The following UBE2D2 variants were observed in gnomAD, a reference collection of about 807,000 sequenced individuals.
UBE2D2 encodes the protein ubiquitin-conjugating enzyme E2 D2.
In UBE2D2, 2 loss-of-function variants were observed where a neutral mutation model predicts 24.2. The ratio of observed to expected loss-of-function variants is 0.08; its 90% CI spans 0.03 to 0.26. The LOEUF (loss-of-function observed/expected upper bound fraction) is 0.26. Among genes scored for constraint, UBE2D2 ranks in the 10% least tolerant of loss-of-function variants. UBE2D2 has a pLI of 1.00. For synonymous variants in UBE2D2, 58 were observed against 56.5 expected (o/e 1.03, Z -0.12); for missense variants, 44 against 177.6 (o/e 0.25, Z 4.28).
intron 1 of UBE2D2, among the ~76,000 whole-genome samples, chr5:139,589,307 C>T (rs188927645): frequency 1.3e-5 from 2 of 152,122 alleles, no homozygotes; most frequent in African/African-American, 4.8e-5. Flanking sequence ...GCTTGTATTC[C>T]CAGCACTTTG....
chr5:139,548,603 A>G (rs1169351455), intron 1 of UBE2D2, among the ~76,000 whole-genome samples: 1 of 152,108 alleles, frequency 6.6e-6, no homozygotes, highest in Non-Finnish European at 1.5e-5. Flanking sequence ...TTTTCTCACA[A>G]AAATCATCAT....
intron 1 of UBE2D2, among the ~76,000 whole-genome samples, chr5:139,567,785 C>T (rs983013691): frequency 1.3e-5 from 2 of 151,134 alleles, no homozygotes; most frequent in Admixed American, 6.6e-5. Flanking sequence ...CCACCCGCCT[C>T]GACCTCCCAA....
At chr5:139,596,046 A>G (rs1753953394) in intron 1 of UBE2D2, among the ~76,000 whole-genome samples, 1 of 150,370 alleles carries the variant, frequency 6.7e-6, no homozygotes, top group Non-Finnish European at 1.5e-5. Context: ...GGCGCGCGCC[A>G]CCATGCCCGG....
At chr5:139,589,715 A>C (rs1016022623) in intron 1 of UBE2D2, among the ~76,000 whole-genome samples, 8 of 152,246 alleles carry the variant, frequency 5.3e-5, no homozygotes, top group South Asian at 2.1e-4. Flanking sequence ...AAAATTAAAT[A>C]GCAAATCATT....
At chr5:139,531,368 C>T (rs1014765653) in intron 1 of UBE2D2, among the ~76,000 whole-genome samples, 6 of 152,208 alleles carry the variant, frequency 3.9e-5, no homozygotes, top group South Asian at 2.1e-4. Flanking sequence ...GCCCCTGTCA[C>T]GTACCGCCTG....
At chr5:139,536,779 C>T (rs570490100) in intron 1 of UBE2D2, among the ~76,000 whole-genome samples, 13 of 152,236 alleles carry the variant, frequency 8.5e-5, no homozygotes, top group African/African-American at 2.6e-4. Flanking sequence ...TGTGAGCCAC[C>T]GCACCCGGCC....
At chr5:139,550,707 C>T (rs1470331471) in intron 1 of UBE2D2, among the ~76,000 whole-genome samples, 1 of 151,914 alleles carries the variant, frequency 6.6e-6, no homozygotes, top group African/African-American at 2.4e-5. Flanking sequence ...ACCATGAACC[C>T]ATGGGAGGAA....
Position 139,561,795 on chromosome 5 carries a change from G to T in UBE2D2, c.4G>T (p.Ala2Ser). The T allele has an allele frequency of 6.6e-7, 1 of 1,509,084 alleles. No individual in the cohort carries two copies. The highest frequency in any genetic ancestry group is 8.8e-7 in the Non-Finnish European group (1 of 1,136,646). 93.5% of individuals were successfully genotyped at this position (1,509,084 alleles called of 1,614,324 possible). M[A>S]LKRIHKELND... ...CCGCCGCCACCCGCCTCCCACCATG[G>T]CTCTGAAGAGAATCCACAAGGTAAG... The change falls in exon 1 of 7, where the codon GCT becomes TCT. Residue 2 changes from alanine to serine, a missense_variant. By Grantham distance (99) the Ala-to-Ser change is moderately conservative. This residue lies in a region of UBE2D2 where 23 missense variants were observed against 141.9 expected (regional missense o/e 0.16). Transcript: ENST00000398733.
intron 1 of UBE2D2, among the ~76,000 whole-genome samples, chr5:139,566,047 GA>G (rs1753209317): frequency 1.2e-5 from 1 of 86,428 alleles, no homozygotes; most frequent in African/African-American, 5.3e-5. Flanking sequence ...TTTTTTTTTT[GA>G]GGCAGTCTTG....
chr5:139,622,444 C>G (rs1754529171), intron 5 of UBE2D2, among the ~76,000 whole-genome samples: 1 of 150,806 alleles, frequency 6.6e-6, no homozygotes, highest in Non-Finnish European at 1.5e-5. Context: ...GGGGTTTTAC[C>G]ATGTTGGCCA....
At chr5:139,620,604 A>T (rs1475042059) in intron 5 of UBE2D2, among the ~76,000 whole-genome samples, 2 of 152,164 alleles carry the variant, frequency 1.3e-5, no homozygotes, top group African/African-American at 4.8e-5. Context: ...CTGATTTTTT[A>T]AAAAAACTTT....
At chr5:139,604,313 A>G (rs554893216) in intron 2 of UBE2D2, among the ~76,000 whole-genome samples, 63 of 151,504 alleles carry the variant, frequency 4.2e-4, no homozygotes, top group Non-Finnish European at 7.8e-4. Context: ...TAATTTTCGT[A>G]TTTTTGGTAG....
At chr5:139,601,327 G>GGT (rs1754068242) in intron 2 of UBE2D2, among the ~76,000 whole-genome samples, 1 of 152,094 alleles carries the variant, frequency 6.6e-6, no homozygotes. Context: ...CATTTGGTTG[G>GGT]GTGTGATGGC....
At chr5:139,556,191 G>A (rs186972415), upstream of UBE2D2, among the ~76,000 whole-genome samples, 3 of 151,052 alleles carry the variant, frequency 2.0e-5, no homozygotes, top group Admixed American at 6.6e-5. Context: ...AGCTGAGATC[G>A]TGCCATTGCA....
At chr5:139,533,526 G>A (rs965280733) in intron 1 of UBE2D2, among the ~76,000 whole-genome samples, 11 of 150,472 alleles carry the variant, frequency 7.3e-5, no homozygotes, top group African/African-American at 7.3e-5. Flanking sequence ...GTCTGGCGCC[G>A]TTAATCCCAG....
At chr5:139,547,134 C>CA (rs1004955840) in intron 1 of UBE2D2, among the ~76,000 whole-genome samples, 1 of 151,440 alleles carries the variant, frequency 6.6e-6, no homozygotes, top group Admixed American at 6.6e-5. Flanking sequence ...ACTAAAAATA[C>CA]AAAAAAATTA....
chr5:139,553,761 G>A (rs1752949710), intron 1 of UBE2D2, among the ~76,000 whole-genome samples: 1 of 151,822 alleles, frequency 6.6e-6, no homozygotes, highest in South Asian at 2.1e-4. Context: ...TTAATGTTTG[G>A]TTCCATGAGT....
intron 1 of UBE2D2, among the ~76,000 whole-genome samples, chr5:139,567,126 G>A (rs1249011728): frequency 1.3e-5 from 2 of 152,120 alleles, no homozygotes; most frequent in African/African-American, 2.4e-5. Flanking sequence ...TTGAGATGGA[G>A]TCTTGCTCTG....
rs1447221215 is a variant in UBE2D2 at position 139,537,040 on chromosome 5, G to A, written c.-64+10428G>A. Among the ~76,000 whole-genome samples the A allele has an allele frequency of 2.6e-5, 4 of 151,862 alleles. No individual in the cohort carries two copies. The South Asian group carries it at 6.2e-4, about 24-fold the overall frequency. ...TAAAAATACAAAAAGAAAATTAGCC[G>A]GGCATGGTGGCGGATGCCTGTAGTC... On this transcript the variant is annotated intron_variant, in intron 1 of 6. Transcript: ENST00000511725.
Sources: gnomAD v4.1 joint callset for allele counts (sites outside exome capture counted in the v4.1 genomes callset) on GRCh38, gnomAD v4.1.1 for gene constraint, gnomAD v4.1.1 regional missense constraint, MANE v1.5 for transcripts, NCBI Gene and HGNC (gene_info 2026-07-23, HGNC 2026-07-21) for gene names.